Variants in SMG1 observed in about 807,000 individuals in gnomAD.
SMG1 encodes the protein SMG1 nonsense mediated mRNA decay associated PI3K related kinase, also known as serine/threonine-protein kinase SMG1.
Under a neutral mutation model 419.9 loss-of-function variants are expected in SMG1, and 22 were observed. That is an observed-to-expected ratio of 0.05 (90% CI 0.04 to 0.07). The LOEUF (loss-of-function observed/expected upper bound fraction) is 0.07, where lower values mean the gene tolerates loss of function less well. SMG1 is among the 10% of genes least tolerant of loss of function. SMG1 has a pLI of 1.00. For synonymous variants in SMG1, 1,538 were observed against 1,553.5 expected (o/e 0.99, Z 0.23); for missense variants, 3,185 against 4,342.0 (o/e 0.73, Z 7.49).
chr16:18,811,827 C>T lies in SMG1; in HGVS notation c.10842G>A (p.Lys3614=), dbSNP rs772340822. Residue 3614 remains lysine, a synonymous_variant, in exon 62 of 63, where the codon AAG becomes AAA. Transcript: ENST00000446231. The part of the protein sequence containing the change: ...ERNSYAVSVW[K]RVKAKLEGRD... ...GGCCCTCTAACTTGGCTTTCACTCTCTTCCACACACTCACTGCATAGGAGT... is the reference window on the plus strand; with the variant it reads ...GGCCCTCTAACTTGGCTTTCACTCTTTTCCACACACTCACTGCATAGGAGT... 5 of 1,613,900 alleles carry T rather than the reference C, an allele frequency of 3.1e-6. No individual in the cohort carries two copies. In the East Asian group the frequency reaches 8.9e-5, roughly 29 times the overall value.
intron 1 of SMG1, among the ~76,000 whole-genome samples, chr16:18,916,244 G>C (rs530551379): frequency 1.3e-5 from 2 of 151,390 alleles, no homozygotes; most frequent in Non-Finnish European, 2.9e-5. Flanking sequence ...GGCCAGGCAC[G>C]GTGGCTCACG....
intron 1 of SMG1, among the ~76,000 whole-genome samples, chr16:18,905,286 A>G (rs546580736): frequency 6.6e-6 from 1 of 151,988 alleles, no homozygotes; most frequent in Non-Finnish European, 1.5e-5. Flanking sequence ...AAACAAAAAA[A>G]CCCTTTAACT....
intron 1 of SMG1, among the ~76,000 whole-genome samples, chr16:18,914,944 T>C (rs12708619): frequency 0.49 from 69,671 of 143,578 alleles, 16,402 homozygotes; most frequent in Middle Eastern, 0.56. Flanking sequence ...TTACCATATT[T>C]TTTTTTTTTT....
intron 1 of SMG1, among the ~76,000 whole-genome samples, chr16:18,905,592 G>A (rs2037527206): frequency 6.7e-6 from 1 of 149,988 alleles, no homozygotes; most frequent in African/African-American, 2.5e-5. Flanking sequence ...CCCAATCCAA[G>A]TATTCTCCTC....
At chr16:18,829,240 A>G (rs369660441) in intron 54 of SMG1, 46 bp downstream of exon 54, 2 of 1,474,158 alleles carry the variant, frequency 1.4e-6, no homozygotes, top group Non-Finnish European at 1.8e-6. Flanking sequence ...CCATTTTTCA[A>G]GTTTCCTACC....
chr16:18,876,762 T>G (rs1192747657), intron 12 of SMG1, among the ~76,000 whole-genome samples: 1 of 151,960 alleles, frequency 6.6e-6, no homozygotes, highest in Non-Finnish European at 1.5e-5. Context: ...TGTGGTGGAT[T>G]TGACTAGGGG....
intron 51 of SMG1, among the ~76,000 whole-genome samples, chr16:18,831,182 C>A (rs2033148642): frequency 6.6e-6 from 1 of 152,174 alleles, no homozygotes; most frequent in South Asian, 2.1e-4. Context: ...TATCCAGGCA[C>A]TATTTCTTAT....
At chr16:18,905,590 A>G (rs1269746687) in intron 1 of SMG1, among the ~76,000 whole-genome samples, 2 of 150,934 alleles carry the variant, frequency 1.3e-5, no homozygotes, top group Non-Finnish European at 2.9e-5. Flanking sequence ...ATCCCAATCC[A>G]AGTATTCTCC....
chr16:18,908,169 C>A (rs2037644823), intron 1 of SMG1, among the ~76,000 whole-genome samples: 1 of 151,950 alleles, frequency 6.6e-6, no homozygotes, highest in African/African-American at 2.4e-5. Context: ...AGTTCAAGAT[C>A]AGCCTGGCCA....
intron 49 of SMG1, 85 bp downstream of exon 49, chr16:18,834,807 G>A: frequency 1.4e-6 from 2 of 1,428,720 alleles, no homozygotes; most frequent in South Asian, 1.3e-5. Context: ...CACTTGGCAA[G>A]ACTAAGGAAA....
intron 4 of SMG1, 127 bp downstream of exon 4, chr16:18,892,091 T>A (rs2036908575): frequency 1.4e-6 from 1 of 722,762 alleles, no homozygotes; most frequent in African/African-American, 1.8e-5. Flanking sequence ...AATTACATAT[T>A]AGAGAGCATT....
intron 31 of SMG1, 63 bp downstream of exon 31, chr16:18,853,520 T>C (rs1215802538): frequency 1.4e-6 from 2 of 1,386,698 alleles, no homozygotes; most frequent in Non-Finnish European, 1.9e-6. Context: ...CATTATAAAC[T>C]TTAAAACAGA....
Position 18,896,801 on chromosome 16 carries a change from T to C in SMG1, c.248A>G (p.Asp83Gly). Residue 83 changes from aspartate to glycine, a missense_variant, in exon 2 of 63, where the codon GAC (aspartate) becomes GGC (glycine). Asp to Gly is a moderately conservative substitution (Grantham distance 94). Transcript: ENST00000446231. ...DTRVHADIQNDEKGGYSVNGG... is the reference protein window; with the variant it reads ...DTRVHADIQNGEKGGYSVNGG... ...TAAGAAAATATATATACCCTTTTCG[T>C]CATTCTGTATGTCAGCGTGGACTCT... 6.2e-7 allele frequency: 1 copy of C among 1,604,794 alleles called. No individual in the cohort carries two copies. Among genetic ancestry groups the C allele is most frequent in the Non-Finnish European group, 8.5e-7 (1 of 1,174,332 alleles).
intron 55 of SMG1, among the ~76,000 whole-genome samples, chr16:18,821,221 C>CTTTTTTTTTTTTTTTT (rs869238782): frequency 2.1e-3 from 75 of 35,586 alleles, no homozygotes; most frequent in Middle Eastern, 0.024. Flanking sequence ...TAGTATGTTT[C>CTTTTTTTTTTTTTTTT]TTTTTTTTTT....
At chr16:18,897,384 C>T (rs1461565373) in intron 1 of SMG1, among the ~76,000 whole-genome samples, 2 of 152,110 alleles carry the variant, frequency 1.3e-5, no homozygotes, top group African/African-American at 2.4e-5. Context: ...TCAGCCTTTC[C>T]TGTCATAAAA....
intron 1 of SMG1, among the ~76,000 whole-genome samples, chr16:18,912,232 G>C (rs932876279): frequency 6.6e-6 from 1 of 150,890 alleles, no homozygotes; most frequent in Admixed American, 6.6e-5. Flanking sequence ...TTTCACATAG[G>C]AGAATAGTTT....
chr16:18,841,913 G>C, intron 40 of SMG1, 119 bp from the exon 41 acceptor site: 1 of 835,936 alleles, frequency 1.2e-6, no homozygotes, highest in Non-Finnish European at 2.0e-6. Flanking sequence ...GGCACACTGA[G>C]AGCATTAAAG....
rs1433029474 is a variant in SMG1, at chr16:18,816,399, T to C, written c.10205A>G (p.Glu3402Gly). 7.4e-6 allele frequency: 12 copies of C among 1,613,854 alleles called. No individual in the cohort carries two copies. The highest frequency in any genetic ancestry group is 1.0e-5 in the Non-Finnish European group (12 of 1,179,872). Reference sequence around the variant, plus strand: ...ATTATCAACCAGATTCTGAATTGTTTCACAGACCGTTTCTATCTGCTGCTC... The same window carrying C: ...ATTATCAACCAGATTCTGAATTGTTCCACAGACCGTTTCTATCTGCTGCTC... ...EKEQQIETVCETIQNLVDNIK... is the reference protein window; with the variant it reads ...EKEQQIETVCGTIQNLVDNIK... The change falls in exon 58 of 63, where the codon GAA becomes GGA. Residue 3402 changes from glutamate (E) to glycine (G), a missense_variant. By Grantham distance (98) the Glu-to-Gly change is moderately conservative. Transcript: ENST00000446231.
intron 3 of SMG1, among the ~76,000 whole-genome samples, chr16:18,893,992 G>A (rs572969371): frequency 2.6e-4 from 40 of 152,034 alleles, no homozygotes; most frequent in African/African-American, 9.4e-4. Context: ...GGGAGGTGGA[G>A]GCTGCAGTGA....
Sources: gnomAD v4.1 joint callset for allele counts (sites outside exome capture counted in the v4.1 genomes callset) on GRCh38, gnomAD v4.1.1 for gene constraint, MANE v1.5 for transcripts, NCBI Gene and HGNC (gene_info 2026-07-23, HGNC 2026-07-21) for gene names.